BMPR2: variants seen among roughly 807,000 people sequenced by gnomAD.
The protein encoded by BMPR2 is bone morphogenetic protein receptor type-2.
BMPR2 carries 29 observed loss-of-function variants against 100.8 expected under a neutral mutation model. The observed-to-expected ratio is 0.29, with a 90% CI of 0.21 to 0.39. BMPR2 has a LOEUF of 0.39. Ranked by LOEUF, BMPR2 falls within the 10% of genes least tolerant of loss-of-function variation. The probability of loss-of-function intolerance (pLI) is 1.00; values close to 1 mark genes in which losing one functional copy is unlikely to be tolerated. For synonymous variants in BMPR2, 382 were observed against 442.3 expected (o/e 0.86, Z 1.71); for missense variants, 1,011 against 1,274.5 (o/e 0.79, Z 3.15).
rs1376720212 is a variant in BMPR2, at chr2:202,503,549, C to A, written c.419-10170C>A. Among the ~76,000 whole-genome samples the A allele has an allele frequency of 1.3e-5, 2 of 152,230 alleles. No homozygotes were observed. The highest frequency in any genetic ancestry group is 4.1e-4 in the South Asian group (2 of 4,836). On this transcript the variant is annotated intron_variant, in intron 3 of 12. Coordinates refer to ENST00000374580, the MANE Select transcript of BMPR2 (RefSeq NM_001204.7). This position sits in a 1 kb window ranked among gnomAD's most constrained non-coding sequence, Gnocchi z 4.0. ...GCGGAGGGTGTACTGGGTCCCCCAG[C>A]AGTGCCAGCCCACCGGCGCTGCTCT...
rs527590198 is a variant in BMPR2 at position 202,567,242 on chromosome 2, T to C, written c.*7296T>C. The stretch of plus-strand genomic sequence containing the variant: ...GCGTAGCTGTCATGCTTTTTCTGAA[T>C]GGACAGGAGAAACATAAGCTACGGA... On this transcript the variant is annotated 3_prime_UTR_variant, in exon 13 of 13. Coordinates refer to ENST00000374580, the MANE Select transcript of BMPR2 (RefSeq NM_001204.7). 6.5e-6 allele frequency: 1 copy of C among 152,758 alleles called. No homozygotes were observed. Among genetic ancestry groups the C allele is most frequent in the African/African-American group, 2.4e-5 (1 of 41,572 alleles). The allele number at this position is 152,758 out of a possible 1,614,324, so 9.5% of individuals were successfully genotyped here.
intron 1 of BMPR2, among the ~76,000 whole-genome samples, chr2:202,392,714 C>T (rs535607361): frequency 2.0e-5 from 3 of 151,480 alleles, no homozygotes; most frequent in African/African-American, 4.8e-5. Context: ...AGCATCTGGC[C>T]GGGCGCGGTG....
chr2:202,566,092 T>C lies in BMPR2; in HGVS notation c.*6146T>C, dbSNP rs2105721437. ...AATCTTCAGAACAAAATCACATCAT[T>C]AGGGTGTCCAGTTTATGATTGAATT... On this transcript the variant is annotated 3_prime_UTR_variant, in exon 13 of 13. Transcript: ENST00000374580. The C allele has an allele frequency of 6.6e-6, 1 of 152,298 alleles. No individual in the cohort carries two copies. The allele number at this position is 152,298 out of a possible 1,614,324, so 9.4% of individuals were successfully genotyped here.
intron 1 of BMPR2, among the ~76,000 whole-genome samples, chr2:202,404,815 C>T (rs1015658752): frequency 1.3e-5 from 2 of 151,868 alleles, no homozygotes; most frequent in African/African-American, 2.4e-5. Context: ...CAGTGTCTAT[C>T]GTTCCAATCT....
intron 10 of BMPR2, among the ~76,000 whole-genome samples, chr2:202,544,093 G>T (rs768597995): frequency 6.6e-6 from 1 of 152,030 alleles, no homozygotes; most frequent in African/African-American, 2.4e-5. Flanking sequence ...AGCGAGGCGA[G>T]ATCGTGCCAC....
intron 3 of BMPR2, among the ~76,000 whole-genome samples, chr2:202,496,196 A>C (rs1574477660): frequency 6.6e-6 from 1 of 152,350 alleles, no homozygotes; most frequent in Non-Finnish European, 1.5e-5. Flanking sequence ...GTTTATTTAT[A>C]ATTGTTATGG....
intron 3 of BMPR2, among the ~76,000 whole-genome samples, chr2:202,513,139 T>C (rs1687654345): frequency 1.3e-5 from 2 of 151,830 alleles, no homozygotes; most frequent in South Asian, 4.2e-4. Context: ...TAATTTTTTT[T>C]TTTAATTTGT....
At chr2:202,393,884 A>AGAGCGAGAGAGC (rs1382683483) in intron 1 of BMPR2, among the ~76,000 whole-genome samples, 57 of 27,464 alleles carry the variant, frequency 2.1e-3, no homozygotes, top group African/African-American at 9.9e-3. Flanking sequence ...TGAGAGAGCG[A>AGAGCGAGAGAGC]GAGAGAGAGA....
chr2:202,380,968 T>TC (rs1285417959), intron 1 of BMPR2, among the ~76,000 whole-genome samples: 56 of 124,338 alleles, frequency 4.5e-4, no homozygotes, highest in African/African-American at 1.3e-3. Flanking sequence ...TTTCTTTCTT[T>TC]TTTTTTTTTT....
At chr2:202,398,589 A>T (rs1690699745) in intron 1 of BMPR2, among the ~76,000 whole-genome samples, 2 of 152,234 alleles carry the variant, frequency 1.3e-5, no homozygotes. Flanking sequence ...TAACACACTA[A>T]GACAAAATAT....
rs73052741 is a variant in BMPR2 at position 202,542,263 on chromosome 2, A to G, written c.1277-48A>G. 1,943 of 1,604,682 alleles carry G rather than the reference A, an allele frequency of 1.2e-3. 19 individuals carry two copies. The African/African-American group carries it at 0.021, about 17-fold the overall frequency. The stretch of plus-strand genomic sequence containing the variant: ...AAATACCCCTGTTATTCTATCATTT[A>G]TGATAGTTAGAAATTTTATTCTGTC... On this transcript the variant is annotated intron_variant, in intron 9 of 12. Coordinates refer to ENST00000374580, the MANE Select transcript of BMPR2 (RefSeq NM_001204.7).
chr2:202,390,552 G>A (rs867617797), intron 1 of BMPR2, among the ~76,000 whole-genome samples: 1 of 151,960 alleles, frequency 6.6e-6, no homozygotes, highest in Admixed American at 6.6e-5. Flanking sequence ...GGCTGGTCTC[G>A]AACCCCTGAC....
At chr2:202,442,722 C>T (rs1206559004) in intron 1 of BMPR2, among the ~76,000 whole-genome samples, 2 of 150,638 alleles carry the variant, frequency 1.3e-5, no homozygotes, top group African/African-American at 5.0e-5. Flanking sequence ...GTACACTTCT[C>T]TTAGCATAAT....
intron 3 of BMPR2, among the ~76,000 whole-genome samples, chr2:202,490,862 C>A (rs1692886511): frequency 6.6e-6 from 1 of 152,194 alleles, no homozygotes; most frequent in African/African-American, 2.4e-5. Context: ...TACTTCCTTA[C>A]TCTCACTATA....
chr2:202,438,944 T>C (rs1691673326), intron 1 of BMPR2, among the ~76,000 whole-genome samples: 1 of 150,700 alleles, frequency 6.6e-6, no homozygotes, highest in African/African-American at 2.5e-5. Flanking sequence ...TTGTTTTGGC[T>C]ATTCTGGGTC....
chr2:202,460,817 CTTTTT>C (rs35366212), intron 1 of BMPR2, among the ~76,000 whole-genome samples: 6 of 132,054 alleles, frequency 4.5e-5, no homozygotes, highest in African/African-American at 1.7e-4. Context: ...AAAGACCAAA[CTTTTT>C]TTTTTTTTTT....
chr2:202,411,986 C>A (rs1411117569), intron 1 of BMPR2, among the ~76,000 whole-genome samples: 1 of 152,048 alleles, frequency 6.6e-6, no homozygotes, highest in Non-Finnish European at 1.5e-5. Context: ...CAAATGAGAT[C>A]TTATATTGAA....
intron 1 of BMPR2, among the ~76,000 whole-genome samples, chr2:202,462,407 G>A (rs1692240460): frequency 6.6e-6 from 1 of 151,982 alleles, no homozygotes; most frequent in Non-Finnish European, 1.5e-5. Context: ...TTCTAGTGGA[G>A]ACGGGGTTTC....
intron 1 of BMPR2, among the ~76,000 whole-genome samples, chr2:202,462,630 CT>C (rs71952440): frequency 0.01 from 1,450 of 142,612 alleles, 19 homozygotes; most frequent in South Asian, 0.028. Flanking sequence ...CACCCCGTAC[CT>C]TTTTTTTTTT....
Sources: allele counts gnomAD v4.1 joint callset (sites outside exome capture counted in the v4.1 genomes callset), GRCh38; gene constraint gnomAD v4.1.1; non-coding constraint Gnocchi (gnomAD v3.1); transcripts MANE v1.5; gene names NCBI Gene and HGNC (gene_info 2026-07-23, HGNC 2026-07-21).